The following SPOCK3 variants were observed in gnomAD, a reference collection of about 807,000 sequenced individuals.
The protein encoded by SPOCK3 is testican-3.
In SPOCK3, 30 loss-of-function variants were observed where a neutral mutation model predicts 56.6. The observed-to-expected ratio is 0.53, with a 90% CI of 0.40 to 0.72. The LOEUF is 0.72. SPOCK3 is among the 30% of genes least tolerant of loss of function. The pLI is 0.00. For missense variants in SPOCK3, 527 were observed against 530.0 expected (o/e 0.99, Z 0.06); for synonymous variants, 196 against 183.3 (o/e 1.07, Z -0.56).
At chr4:167,003,665 A>G (rs968189479) in intron 3 of SPOCK3, among the ~76,000 whole-genome samples, 2 of 152,196 alleles carry the variant, frequency 1.3e-5, no homozygotes, top group African/African-American at 4.8e-5. Flanking sequence ...TCCAGCAACC[A>G]GTCAAACTAC....
At chr4:166,854,039 T>A (rs1730408788) in intron 6 of SPOCK3, among the ~76,000 whole-genome samples, 1 of 152,214 alleles carries the variant, frequency 6.6e-6, no homozygotes, top group Non-Finnish European at 1.5e-5. Flanking sequence ...ATTCTATGAT[T>A]TTTACCTACA....
chr4:167,089,813 T>G (rs1197788330), intron 2 of SPOCK3, among the ~76,000 whole-genome samples: 1 of 152,154 alleles, frequency 6.6e-6, no homozygotes, highest in African/African-American at 2.4e-5. Flanking sequence ...TCTTCAGGCC[T>G]TTGTGAAAAC....
intron 4 of SPOCK3, among the ~76,000 whole-genome samples, chr4:166,961,715 A>AT (rs915653615): frequency 2.0e-5 from 3 of 152,050 alleles, no homozygotes; most frequent in Non-Finnish European, 2.9e-5. Flanking sequence ...TTTCCGGGAC[A>AT]TTTTTTCCTT....
At chr4:167,063,062 T>C (rs1283261451) in intron 2 of SPOCK3, among the ~76,000 whole-genome samples, 1 of 151,874 alleles carries the variant, frequency 6.6e-6, no homozygotes, top group Non-Finnish European at 1.5e-5. Context: ...TGCAAATCAT[T>C]CTCTTGCTAA....
chr4:166,951,557 A>G (rs1415194344), intron 4 of SPOCK3, among the ~76,000 whole-genome samples: 2 of 139,096 alleles, frequency 1.4e-5, no homozygotes, highest in African/African-American at 3.0e-5. Context: ...ATAGAAAAAG[A>G]GGGAATCCTC....
chr4:166,739,758 A>G (rs1734635490), intron 9 of SPOCK3, among the ~76,000 whole-genome samples: 1 of 152,012 alleles, frequency 6.6e-6, no homozygotes, highest in Non-Finnish European at 1.5e-5. Flanking sequence ...AATTTAAAAA[A>G]TAAATAAATA....
chr4:166,979,799 T>G (rs1039219671), intron 4 of SPOCK3, among the ~76,000 whole-genome samples: 2 of 152,230 alleles, frequency 1.3e-5, no homozygotes, highest in African/African-American at 4.8e-5. Context: ...ATATTATTGA[T>G]GTGTTGAAAT....
intron 3 of SPOCK3, among the ~76,000 whole-genome samples, chr4:167,005,989 T>G (rs1350264415): frequency 2.0e-5 from 3 of 152,180 alleles, no homozygotes; most frequent in African/African-American, 7.2e-5. Context: ...CATATTGATT[T>G]TTTACAATAT....
At chr4:167,151,656 C>T (rs1463226901) in intron 2 of SPOCK3, among the ~76,000 whole-genome samples, 2 of 151,908 alleles carry the variant, frequency 1.3e-5, no homozygotes, top group Non-Finnish European at 2.9e-5. Flanking sequence ...AGGATGGTCT[C>T]GATCTCCTGA....
intron 2 of SPOCK3, among the ~76,000 whole-genome samples, chr4:167,151,458 G>A (rs866956828): frequency 9.5e-5 from 14 of 146,646 alleles, no homozygotes; most frequent in Non-Finnish European, 1.5e-4. Context: ...TTTTTGAGAC[G>A]GAGTCTCGCT....
chr4:167,035,485 C>A (rs1284408594), intron 3 of SPOCK3, among the ~76,000 whole-genome samples: 1 of 152,044 alleles, frequency 6.6e-6, no homozygotes, highest in Non-Finnish European at 1.5e-5. Context: ...CCTACAGGAC[C>A]TACCTTTCCT....
At chr4:166,899,230 A>C (rs1735744228) in intron 5 of SPOCK3, among the ~76,000 whole-genome samples, 1 of 147,522 alleles carries the variant, frequency 6.8e-6, no homozygotes. Flanking sequence ...AATTCCTATA[A>C]TAAATCTCCT....
intron 4 of SPOCK3, among the ~76,000 whole-genome samples, chr4:166,937,873 C>T (rs988370836): frequency 6.7e-6 from 1 of 149,996 alleles, no homozygotes; most frequent in Admixed American, 6.7e-5. Context: ...ACGCCATTCT[C>T]CTGCCTCAGC....
intron 4 of SPOCK3, among the ~76,000 whole-genome samples, chr4:166,977,383 T>C (rs1457383933): frequency 1.3e-5 from 2 of 151,532 alleles, no homozygotes; most frequent in East Asian, 3.9e-4. Context: ...TAAAGAGTTG[T>C]AAATCTTACA....
chr4:166,901,294 A>G (rs138059323), intron 5 of SPOCK3, among the ~76,000 whole-genome samples: 1 of 152,210 alleles, frequency 6.6e-6, no homozygotes, highest in African/African-American at 2.4e-5. Context: ...TTCTAACTGA[A>G]TTGGGAAACC....
At chr4:166,970,572 A>C (rs1214295013) in intron 4 of SPOCK3, among the ~76,000 whole-genome samples, 1 of 152,082 alleles carries the variant, frequency 6.6e-6, no homozygotes, top group Non-Finnish European at 1.5e-5. Context: ...AAGAATACAA[A>C]AATTAGCCAG....
chr4:166,890,754 A>C (rs1429476485), intron 5 of SPOCK3, among the ~76,000 whole-genome samples: 4 of 152,026 alleles, frequency 2.6e-5, no homozygotes, highest in Admixed American at 2.6e-4. Context: ...AGAGTTCTAC[A>C]GATGTCTATT....
At chr4:166,830,779 G>A (rs1011100952) in intron 6 of SPOCK3, among the ~76,000 whole-genome samples, 2 of 151,888 alleles carry the variant, frequency 1.3e-5, no homozygotes, top group South Asian at 2.1e-4. Context: ...ATATCTTCTC[G>A]GTATTTTCCT....
chr4:167,052,687 A>T (rs934263604), intron 3 of SPOCK3, among the ~76,000 whole-genome samples: 4 of 152,146 alleles, frequency 2.6e-5, no homozygotes, highest in Admixed American at 1.3e-4. Flanking sequence ...TTATGATACC[A>T]CCATGCCCCT....
Sources: allele counts gnomAD v4.1 joint callset (sites outside exome capture counted in the v4.1 genomes callset), GRCh38; gene constraint gnomAD v4.1.1; transcripts MANE v1.5; gene names NCBI Gene and HGNC (gene_info 2026-07-23, HGNC 2026-07-21).